Variants in DNAI3 observed in about 807,000 individuals in gnomAD.
DNAI3 encodes the protein dynein axonemal intermediate chain 3, also known as WD repeat domain 63.
A neutral mutation model predicts 115.5 loss-of-function variants in DNAI3; 83 were observed. That is an observed-to-expected ratio of 0.72 (90% CI 0.60 to 0.86). The LOEUF (loss-of-function observed/expected upper bound fraction) is 0.86, where lower values mean the gene tolerates loss of function less well. Among genes scored for constraint, DNAI3 ranks in the 40% least tolerant of loss-of-function variants. DNAI3 has a pLI of 0.00. For synonymous variants in DNAI3, 320 were observed against 347.0 expected (o/e 0.92, Z 0.86); for missense variants, 1,004 against 1,075.8 (o/e 0.93, Z 0.93).
intron 21 of DNAI3, among the ~76,000 whole-genome samples, chr1:85,129,438 G>C (rs1245409686): frequency 1.3e-5 from 2 of 150,760 alleles, no homozygotes. Context: ...GGTCTCTGCT[G>C]ACTTTCCTGC....
At chr1:85,129,831 A>G (rs996258591) in intron 21 of DNAI3, among the ~76,000 whole-genome samples, 159 bp from the exon 22 acceptor site, 5 of 152,110 alleles carry the variant, frequency 3.3e-5, no homozygotes, top group African/African-American at 4.8e-5. Context: ...CTACATAATG[A>G]TTAGGTAGAT....
chr1:85,071,560 G>C lies in DNAI3; in HGVS notation c.-14-368G>C, dbSNP rs577677886. ...GTCTTTGTAGCTGGGCTACCTGTTGGGAAGCCCAGCAAAAGGCAGCACAGA... is the reference window on the plus strand; with the variant it reads ...GTCTTTGTAGCTGGGCTACCTGTTGCGAAGCCCAGCAAAAGGCAGCACAGA... On this transcript the variant is annotated intron_variant, in intron 1 of 22. Transcript: ENST00000294664. 7.9e-5 allele frequency among the ~76,000 whole-genome samples: 12 copies of C among 152,300 alleles called. 1 individual carries two copies. The highest frequency in any genetic ancestry group is 6.5e-4 in the Admixed American group (10 of 15,302).
chr1:85,119,089 A>T (rs1390531926), intron 17 of DNAI3, among the ~76,000 whole-genome samples: 1 of 152,232 alleles, frequency 6.6e-6, no homozygotes, highest in Non-Finnish European at 1.5e-5. Context: ...TGTGCTTTAT[A>T]ACTTGGGTTT....
chr1:85,126,184 T>C, intron 19 of DNAI3, among the ~76,000 whole-genome samples: 1 of 152,214 alleles, frequency 6.6e-6, no homozygotes, highest in East Asian at 1.9e-4. Context: ...TCTTTACTTG[T>C]CTAATGTCCA....
At chr1:85,071,374 C>T (rs1654267997) in intron 1 of DNAI3, among the ~76,000 whole-genome samples, 2 of 152,174 alleles carry the variant, frequency 1.3e-5, no homozygotes, top group African/African-American at 2.4e-5. Context: ...ATAAGCAGTT[C>T]CATGGAAAAC....
chr1:85,112,889 C>A (rs978721115), intron 16 of DNAI3, among the ~76,000 whole-genome samples: 1 of 152,208 alleles, frequency 6.6e-6, no homozygotes, highest in African/African-American at 2.4e-5. Flanking sequence ...ATGCCTCAGC[C>A]AACCGAGTAC....
intron 16 of DNAI3, among the ~76,000 whole-genome samples, chr1:85,114,973 C>T (rs1285316533): frequency 6.6e-6 from 1 of 152,210 alleles, no homozygotes; most frequent in African/African-American, 2.4e-5. Flanking sequence ...AACCCTTGCT[C>T]TAAATGCTTT....
chr1:85,084,163 G>A (rs60274843), intron 5 of DNAI3, among the ~76,000 whole-genome samples: 2 of 97,302 alleles, frequency 2.1e-5, no homozygotes, highest in Non-Finnish European at 4.5e-5. Context: ...AGCAGTGTGT[G>A]TATATATATA....
At chr1:85,095,786 A>T (rs1053920093) in intron 10 of DNAI3, 145 bp from the exon 11 acceptor site, 22 of 732,586 alleles carry the variant, frequency 3.0e-5, no homozygotes, top group Non-Finnish European at 4.9e-5. Flanking sequence ...TTTAGTCCAG[A>T]GGCAGAACTC....
At chr1:85,081,096 T>G in intron 3 of DNAI3, 138 bp from the exon 4 acceptor site, 6 of 687,232 alleles carry the variant, frequency 8.7e-6, no homozygotes, top group Non-Finnish European at 1.3e-5. Context: ...ATATATTTAC[T>G]TTAAATACAG....
Position 85,132,717 on chromosome 1 carries a change from C to A in DNAI3, c.2533-138C>A, listed in dbSNP as rs937483438. The A allele has an allele frequency of 3.7e-6, 4 of 1,067,364 alleles. No individual in the cohort carries two copies. The African/African-American group carries it at 6.6e-5, about 18-fold the overall frequency. 66.1% of individuals were successfully genotyped at this position (1,067,364 alleles called of 1,614,324 possible). A position where few individuals can be genotyped will look rare whatever the true frequency, so the allele number is the denominator to read the frequency against. Reference sequence around the variant, plus strand: ...GACTGCCTCCTGCCCACCTGCCCTCCTGCCTTCCTGCCCTCCATCCAGCCC... The same window carrying A: ...GACTGCCTCCTGCCCACCTGCCCTCATGCCTTCCTGCCCTCCATCCAGCCC... On this transcript the variant is annotated intron_variant, in intron 22 of 22. Coordinates refer to ENST00000294664, the MANE Select transcript of DNAI3 (RefSeq NM_145172.5).
rs745555510 is a variant in DNAI3, at chr1:85,097,685, GT to G, written c.1350+36del. The G allele has an allele frequency of 1.0e-5, 16 of 1,583,506 alleles. No individual in the cohort carries two copies. In the South Asian group the frequency reaches 1.8e-4, roughly 17 times the overall value. ...GCTTTTTACAACATTTCACTTGCAA[GT>G]TTTTTCCATTGAAGAGTTTATGGAA... On this transcript the variant is annotated intron_variant, in intron 12 of 22. Coordinates refer to ENST00000294664, the MANE Select transcript of DNAI3 (RefSeq NM_145172.5).
chr1:85,108,249 A>G lies in DNAI3; in HGVS notation c.1698+72A>G. The G allele has an allele frequency of 2.8e-6, 4 of 1,405,656 alleles. No individual in the cohort carries two copies. In the South Asian group the frequency reaches 7.2e-5, roughly 25 times the overall value. The allele number at this position is 1,405,656 out of a possible 1,614,324, so 87.1% of individuals were successfully genotyped here. ...ATTTACTTTGCATGCATAGACATAC[A>G]TATACACACACTCTCTAAAAGTAGA... On this transcript the variant is annotated intron_variant, in intron 15 of 22. Coordinates refer to ENST00000294664, the MANE Select transcript of DNAI3 (RefSeq NM_145172.5).
rs560815114 is a variant in DNAI3 at position 85,091,879 on chromosome 1, A to G, written c.858-1579A>G. Among the ~76,000 whole-genome samples the G allele has an allele frequency of 5.9e-5, 9 of 152,332 alleles. No individual in the cohort carries two copies. The South Asian group carries it at 1.2e-3, about 21-fold the overall frequency. On this transcript the variant is annotated intron_variant, in intron 8 of 22. Transcript: ENST00000294664. The stretch of plus-strand genomic sequence containing the variant: ...ATGTGTTTTCACTTCTTCCGTTTGA[A>G]TTACTTCCCCGTTCTGGCTAAGGAG...
At chr1:85,084,250 G>GTGTATATA (rs1553165780) in intron 5 of DNAI3, among the ~76,000 whole-genome samples, 42 of 85,036 alleles carry the variant, frequency 4.9e-4, no homozygotes, top group African/African-American at 1.3e-3. Context: ...TCAGCAGTGT[G>GTGTATATA]TATATATATA....
intron 3 of DNAI3, among the ~76,000 whole-genome samples, chr1:85,076,802 A>C (rs983779089): frequency 1.3e-5 from 2 of 152,224 alleles, no homozygotes; most frequent in Non-Finnish European, 2.9e-5. Flanking sequence ...TTCAGGAATT[A>C]GGACATGAAC....
intron 16 of DNAI3, among the ~76,000 whole-genome samples, 168 bp from the exon 17 acceptor site, chr1:85,117,561 G>T (rs1655868593): frequency 1.3e-5 from 2 of 152,194 alleles, no homozygotes; most frequent in African/African-American, 4.8e-5. Context: ...ACAAAAGAGG[G>T]TTCTTTTGCT....
intron 7 of DNAI3, among the ~76,000 whole-genome samples, chr1:85,087,434 C>CAAAAAAAAAAAAAAAAAA (rs1162431713): frequency 2.8e-3 from 132 of 46,510 alleles, no homozygotes; most frequent in Non-Finnish European, 3.2e-3. Flanking sequence ...GACTCCATCT[C>CAAAAAAAAAAAAAAAAAA]AAAAAAAAAA....
chr1:85,130,242 CAA>C, intron 22 of DNAI3, 130 bp downstream of exon 22: 10 of 1,307,478 alleles, frequency 7.6e-6, no homozygotes, highest in Non-Finnish European at 1.1e-5. Flanking sequence ...TCATGAGAGT[CAA>C]GAGGGCATTC....
Sources: allele counts gnomAD v4.1 joint callset (sites outside exome capture counted in the v4.1 genomes callset), GRCh38; gene constraint gnomAD v4.1.1; transcripts MANE v1.5; gene names NCBI Gene and HGNC (gene_info 2026-07-23, HGNC 2026-07-21).